The following CGNL1 variants were observed in gnomAD, a reference collection of about 807,000 sequenced individuals.
CGNL1 encodes the protein cingulin like 1.
CGNL1 carries 132 observed loss-of-function variants against 141.2 expected under a neutral mutation model. The ratio of observed to expected loss-of-function variants is 0.93; its 90% CI spans 0.81 to 1.08. The LOEUF is 1.08. CGNL1 is among the 50% of genes least tolerant of loss of function. The pLI is 0.00. For synonymous variants in CGNL1, 690 were observed against 622.1 expected (o/e 1.11, Z -1.63); for missense variants, 1,870 against 1,588.6 (o/e 1.18, Z -3.01).
At position 57,452,278 on chromosome 15, in the gene CGNL1, G is replaced by A. The variant is rs1567127232; in HGVS notation, c.2043G>A (p.Lys681=). ...RLEESEGELR[K]NLEELFQVKM... is the part of the protein sequence containing the mutation. The stretch of plus-strand genomic sequence containing the variant: ...AAGAAAGTGAAGGGGAGCTCCGGAA[G>A]AATCTGGAGGAGTAAGTTCTGGGCT... Residue 681 remains lysine (K), a synonymous_variant, in exon 6 of 19, where the codon AAG becomes AAA. Coordinates refer to ENST00000281282, the MANE Select transcript of CGNL1 (RefSeq NM_032866.5). The A allele has an allele frequency of 5.0e-6, 8 of 1,613,578 alleles. No homozygotes were observed. The highest frequency in any genetic ancestry group is 6.8e-6 in the Non-Finnish European group (8 of 1,179,738).
At chr15:57,543,017 A>G (rs1260875178) in intron 14 of CGNL1, among the ~76,000 whole-genome samples, 1 of 152,202 alleles carries the variant, frequency 6.6e-6, no homozygotes, top group East Asian at 1.9e-4. Context: ...GTAACAAAGT[A>G]ACACAACCTG....
intron 1 of CGNL1, among the ~76,000 whole-genome samples, chr15:57,415,559 T>C (rs1201931520): frequency 6.6e-6 from 1 of 152,220 alleles, no homozygotes; most frequent in Non-Finnish European, 1.5e-5. Flanking sequence ...TTTGAATCAT[T>C]TTAAGCCACT....
chr15:57,432,620 C>T (rs781313720), intron 1 of CGNL1, among the ~76,000 whole-genome samples: 9 of 152,194 alleles, frequency 5.9e-5, no homozygotes, highest in East Asian at 1.9e-4. Context: ...TAGTCCCCGA[C>T]GGCGCAAGCG....
At chr15:57,381,193 G>A (rs2152213197) in intron 1 of CGNL1, among the ~76,000 whole-genome samples, 1 of 152,294 alleles carries the variant, frequency 6.6e-6, no homozygotes, top group Non-Finnish European at 1.5e-5. Flanking sequence ...ACATTCCTGA[G>A]AGGCAGGTGG....
chr15:57,415,352 A>G (rs1329753757), intron 1 of CGNL1, among the ~76,000 whole-genome samples: 1 of 152,208 alleles, frequency 6.6e-6, no homozygotes, highest in African/African-American at 2.4e-5. Context: ...TATGGGAGAC[A>G]GGGAGGCAGG....
chr15:57,523,474 C>T lies in CGNL1; in HGVS notation c.2716-15C>T, dbSNP rs563977194. On this transcript the variant is annotated splice_polypyrimidine_tract_variant and intron_variant, in intron 10 of 18. Transcript: ENST00000281282. ...TTAGTAGGTGACAGCACTGTCCTTT[C>T]CCTGCCATTTGCAGGGAAATCTGAG... 3 of 1,613,876 alleles carry T rather than the reference C, an allele frequency of 1.9e-6. No homozygotes were observed. The highest frequency in any genetic ancestry group is 2.2e-5 in the East Asian group (1 of 44,884).
chr15:57,423,950 G>A lies in CGNL1; in HGVS notation c.-15-14035G>A, dbSNP rs747481296. Among the ~76,000 whole-genome samples the A allele has an allele frequency of 4.6e-5, 7 of 152,200 alleles. No individual in the cohort carries two copies. In the South Asian group the frequency reaches 1.4e-3, roughly 31 times the overall value. ...AGCTCGGTGCTGGAGCTCCATCCTC[G>A]CTTCTCCATCTATGTGACTTCCTAG... On this transcript the variant is annotated intron_variant, in intron 1 of 18. Coordinates refer to ENST00000281282, the MANE Select transcript of CGNL1 (RefSeq NM_032866.5).
intron 8 of CGNL1, among the ~76,000 whole-genome samples, chr15:57,473,438 A>G (rs1389891338): frequency 6.6e-6 from 1 of 152,246 alleles, no homozygotes; most frequent in Admixed American, 6.5e-5. Flanking sequence ...CTACAGTGGC[A>G]AAGTTAATCA....
chr15:57,456,288 T>C (rs2063378268), intron 7 of CGNL1, among the ~76,000 whole-genome samples: 1 of 152,178 alleles, frequency 6.6e-6, no homozygotes, highest in African/African-American at 2.4e-5. Flanking sequence ...TTTTGAATGT[T>C]TGAAAAAGGT....
chr15:57,464,494 C>T (rs369966123), intron 8 of CGNL1, among the ~76,000 whole-genome samples: 4 of 152,146 alleles, frequency 2.6e-5, no homozygotes, highest in African/African-American at 4.8e-5. Flanking sequence ...CACATCCGTG[C>T]GGTGTCTGGC....
At chr15:57,443,614 A>G (rs960775213) in intron 4 of CGNL1, among the ~76,000 whole-genome samples, 1 of 152,214 alleles carries the variant, frequency 6.6e-6, no homozygotes, top group Admixed American at 6.5e-5. Context: ...GTGGCCTCAA[A>G]TAGAACAATG....
chr15:57,383,278 A>C (rs1280848303), intron 1 of CGNL1, among the ~76,000 whole-genome samples: 1 of 140,698 alleles, frequency 7.1e-6, no homozygotes, highest in Non-Finnish European at 1.5e-5. Context: ...AACAAACTTA[A>C]GATTTCTTTC....
intron 3 of CGNL1, among the ~76,000 whole-genome samples, chr15:57,441,545 T>G (rs1270748789): frequency 6.6e-6 from 1 of 152,066 alleles, no homozygotes; most frequent in African/African-American, 2.4e-5. Flanking sequence ...ATTTTTGTAT[T>G]TTTAGTAGAG....
At chr15:57,425,978 T>C (rs959518188) in intron 1 of CGNL1, among the ~76,000 whole-genome samples, 1 of 152,078 alleles carries the variant, frequency 6.6e-6, no homozygotes, top group Admixed American at 6.5e-5. Context: ...GTAGATGGCC[T>C]TTACTCACCA....
Position 57,523,658 on chromosome 15 carries a change from G to A in CGNL1, c.2868+17G>A, listed in dbSNP as rs368826890. On this transcript the variant is annotated intron_variant, in intron 11 of 18. Coordinates refer to ENST00000281282, the MANE Select transcript of CGNL1 (RefSeq NM_032866.5). ...CAGAAGGAGGTGAGGGGCTGGAGGA[G>A]GAAAGAGGAAGTAGGGCCAGATGTC... 153 of 1,613,110 alleles carry A rather than the reference G, an allele frequency of 9.5e-5. No individual in the cohort carries two copies. The highest frequency in any genetic ancestry group is 1.3e-4 in the Non-Finnish European group (151 of 1,179,656).
At chr15:57,450,850 A>G (rs1420984719) in intron 4 of CGNL1, among the ~76,000 whole-genome samples, 1 of 152,198 alleles carries the variant, frequency 6.6e-6, no homozygotes, top group Non-Finnish European at 1.5e-5. Flanking sequence ...AATTCTAACA[A>G]TCATTTACTG....
chr15:57,538,760 C>G (rs1341444440), intron 14 of CGNL1, among the ~76,000 whole-genome samples: 2 of 152,230 alleles, frequency 1.3e-5, no homozygotes, highest in Non-Finnish European at 2.9e-5. Flanking sequence ...GCTCTCTGCA[C>G]TCTGCCTCAC....
rs1398890155 is a variant in CGNL1, at chr15:57,524,630, A to G, written c.2918A>G (p.Asn973Ser). Residue 973 changes from asparagine to serine, a missense_variant, in exon 12 of 19, where the codon AAC (asparagine) becomes AGC (serine). By Grantham distance (46) the Asn-to-Ser change is conservative. Coordinates refer to ENST00000281282, the MANE Select transcript of CGNL1 (RefSeq NM_032866.5). ...ASRTSTLELQ[N>S]QLDEYKEKNR... ...CGTACCTCAACCCTGGAGCTCCAGAACCAGCTGGATGAGTATAAGGAGAAA... is the reference window on the plus strand; with the variant it reads ...CGTACCTCAACCCTGGAGCTCCAGAGCCAGCTGGATGAGTATAAGGAGAAA... 2.5e-6 allele frequency: 4 copies of G among 1,613,840 alleles called. No homozygotes were observed. The East Asian group carries it at 6.7e-5, about 27-fold the overall frequency.
intron 7 of CGNL1, among the ~76,000 whole-genome samples, chr15:57,454,674 ATC>A (rs1307963334): frequency 1.3e-5 from 2 of 152,016 alleles, no homozygotes; most frequent in African/African-American, 4.8e-5. Context: ...ATATATGACC[ATC>A]TCTCTTTCCC....
Sources: allele counts gnomAD v4.1 joint callset (sites outside exome capture counted in the v4.1 genomes callset), GRCh38; gene constraint gnomAD v4.1.1; transcripts MANE v1.5; gene names NCBI Gene and HGNC (gene_info 2026-07-23, HGNC 2026-07-21).